FRAS1: variants seen among roughly 807,000 people sequenced by gnomAD.
FRAS1 encodes the protein extracellular matrix organizing protein FRAS1.
FRAS1 carries 290 observed loss-of-function variants against 435.2 expected under a neutral mutation model. The observed-to-expected ratio is 0.67, with a 90% CI of 0.61 to 0.73. The LOEUF is 0.73. FRAS1 is among the 30% of genes least tolerant of loss of function. FRAS1 has a pLI of 0.00. For missense variants in FRAS1, 4,860 were observed against 5,001.5 expected (o/e 0.97, Z 0.85); for synonymous variants, 1,800 against 1,851.0 (o/e 0.97, Z 0.71).
At chr4:78,217,734 C>A (rs1027868560) in intron 2 of FRAS1, among the ~76,000 whole-genome samples, 1 of 151,810 alleles carries the variant, frequency 6.6e-6, no homozygotes, top group Non-Finnish European at 1.5e-5. Context: ...ATTCAATGGA[C>A]GGTAGCTATG....
intron 30 of FRAS1, among the ~76,000 whole-genome samples, chr4:78,403,276 T>A (rs1366039977): frequency 3.3e-5 from 5 of 152,204 alleles, no homozygotes; most frequent in African/African-American, 1.2e-4. Context: ...AATTAAATGT[T>A]TTTTTAAGCA....
chr4:78,398,068 G>C (rs1291737071), intron 29 of FRAS1, among the ~76,000 whole-genome samples: 4 of 151,912 alleles, frequency 2.6e-5, no homozygotes, highest in African/African-American at 7.3e-5. Context: ...TTAGTGTTCT[G>C]TACAGGTTTT....
chr4:78,313,091 A>G (rs891496903), intron 15 of FRAS1, among the ~76,000 whole-genome samples: 1 of 151,986 alleles, frequency 6.6e-6, no homozygotes, highest in Admixed American at 6.5e-5. Context: ...AATTGCTGCA[A>G]TTTTTCATTT....
intron 56 of FRAS1, 28 bp downstream of exon 56, chr4:78,479,746 T>G: frequency 6.7e-7 from 1 of 1,492,872 alleles, no homozygotes; most frequent in Non-Finnish European, 9.0e-7. Context: ...TGAGTTTCCT[T>G]CACCTGTCTC....
rs120074156 is a variant in FRAS1 at position 78,481,962 on chromosome 4, C to T, written c.8602C>T (p.Gln2868Ter). Residue 2868 changes from glutamine to a stop codon, truncating the protein, a stop_gained and splice_region_variant, in exon 57 of 74, where the codon CAG (glutamine) becomes TAG (stop). Transcript: ENST00000512123. LOFTEE classifies it high-confidence loss of function. ...GGAATTTGGGCCTGGTGTCATTGAA[C>T]AGGTGCGTTTACAGCAGTCGAGACT... ...KVEFGPGVIE[Q>*]YCTLTILDDT... The T allele has an allele frequency of 6.2e-7, 1 of 1,613,608 alleles. No individual in the cohort carries two copies. Among genetic ancestry groups the T allele is most frequent in the Non-Finnish European group, 8.5e-7 (1 of 1,179,756 alleles).
chr4:78,089,526 C>CAA (rs1404397345), intron 2 of FRAS1, among the ~76,000 whole-genome samples: 1 of 152,076 alleles, frequency 6.6e-6, no homozygotes, highest in Non-Finnish European at 1.5e-5. Flanking sequence ...ACATGTGAAT[C>CAA]ATTTATTTAG....
intron 47 of FRAS1, among the ~76,000 whole-genome samples, chr4:78,456,440 C>T (rs1213093531): frequency 6.6e-6 from 1 of 152,080 alleles, no homozygotes; most frequent in East Asian, 1.9e-4. Flanking sequence ...ATGTACCAGG[C>T]CTCAAATAAC....
intron 33 of FRAS1, among the ~76,000 whole-genome samples, chr4:78,419,318 G>A (rs1286299539): frequency 2.0e-5 from 3 of 152,356 alleles, no homozygotes; most frequent in Admixed American, 1.3e-4. Context: ...GATGGAGAAT[G>A]TACATGCTAC....
intron 32 of FRAS1, among the ~76,000 whole-genome samples, chr4:78,418,144 A>G (rs1280233099): frequency 1.3e-5 from 2 of 152,330 alleles, no homozygotes; most frequent in East Asian, 3.9e-4. Context: ...TCTGATTAAC[A>G]TTGCCTCATT....
Position 78,281,453 on chromosome 4 carries a change from T to G in FRAS1, c.1107+20T>G. The G allele has an allele frequency of 6.7e-7, 1 of 1,503,128 alleles. No homozygotes were observed. Among genetic ancestry groups the G allele is most frequent in the Non-Finnish European group, 9.1e-7 (1 of 1,104,380 alleles). The allele number at this position is 1,503,128 out of a possible 1,614,324, so 93.1% of individuals were successfully genotyped here. ...ATTCCAGTAAGTATAGCTTTTTAAC[T>G]TGCACGTAGATCATTATAAAATTGT... On this transcript the variant is annotated intron_variant, in intron 11 of 73. Coordinates refer to ENST00000512123, the MANE Select transcript of FRAS1 (RefSeq NM_025074.7).
chr4:78,222,339 C>T (rs967417613), intron 2 of FRAS1, among the ~76,000 whole-genome samples: 4 of 152,134 alleles, frequency 2.6e-5, no homozygotes, highest in Non-Finnish European at 5.9e-5. Flanking sequence ...TTATTTCATG[C>T]GTGTGCATTT....
At chr4:78,074,007 G>A (rs1195915090) in intron 2 of FRAS1, among the ~76,000 whole-genome samples, 1 of 152,166 alleles carries the variant, frequency 6.6e-6, no homozygotes, top group Non-Finnish European at 1.5e-5. Flanking sequence ...AAGAAGGAGA[G>A]GGACAAGCTT....
At position 78,445,692 on chromosome 4, in the gene FRAS1, A is replaced by G. The variant is rs1718796518; in HGVS notation, c.5836A>G (p.Ser1946Gly). Residue 1946 changes from serine (S) to glycine (G), a missense_variant, in exon 42 of 74, where the codon AGC (serine) becomes GGC (glycine). Coordinates refer to ENST00000512123, the MANE Select transcript of FRAS1 (RefSeq NM_025074.7). ...SDGTSRSEIH[S>G]INITIERKND... ...TGGAACCAGTCGTTCAGAAATTCAC[A>G]GCATCAATATCACCATTGAGGTAAA... 2 of 1,613,892 alleles carry G rather than the reference A, an allele frequency of 1.2e-6. No individual in the cohort carries two copies. Among genetic ancestry groups the G allele is most frequent in the Admixed American group, 1.7e-5 (1 of 60,012 alleles).
chr4:78,117,450 C>A (rs1258963389), intron 2 of FRAS1, among the ~76,000 whole-genome samples: 1 of 152,184 alleles, frequency 6.6e-6, no homozygotes, highest in East Asian at 1.9e-4. Context: ...TCCGTTCTCC[C>A]TGTCACTTTC....
At chr4:78,450,390 T>G in intron 45 of FRAS1, 51 bp downstream of exon 45, 2 of 1,430,740 alleles carry the variant, frequency 1.4e-6, no homozygotes, top group Non-Finnish European at 2.0e-6. Flanking sequence ...GCACCTACAC[T>G]AGTAAAATGA....
intron 15 of FRAS1, 109 bp downstream of exon 15, chr4:78,308,318 A>G: frequency 9.1e-7 from 1 of 1,101,014 alleles, no homozygotes; most frequent in Non-Finnish European, 1.3e-6. Context: ...CTCAACATAT[A>G]TGTGAATAGC....
At chr4:78,248,033 C>G (rs991097876) in intron 4 of FRAS1, among the ~76,000 whole-genome samples, 3 of 152,114 alleles carry the variant, frequency 2.0e-5, no homozygotes, top group Non-Finnish European at 4.4e-5. Flanking sequence ...AACAGCGGAG[C>G]CTTGGGGGAG....
At chr4:78,089,457 A>G (rs1741387827) in intron 2 of FRAS1, among the ~76,000 whole-genome samples, 1 of 152,058 alleles carries the variant, frequency 6.6e-6, no homozygotes, top group African/African-American at 2.4e-5. Context: ...AAATAACAGT[A>G]TGTTAAGAAA....
chr4:78,476,646 A>G (rs1349610588), intron 54 of FRAS1, among the ~76,000 whole-genome samples: 1 of 152,222 alleles, frequency 6.6e-6, no homozygotes, highest in Non-Finnish European at 1.5e-5. Context: ...GCTAAATGAT[A>G]AGACGGAGGA....
Sources: gnomAD v4.1 joint callset for allele counts (sites outside exome capture counted in the v4.1 genomes callset) on GRCh38, gnomAD v4.1.1 for gene constraint, MANE v1.5 for transcripts, NCBI Gene and HGNC (gene_info 2026-07-23, HGNC 2026-07-21) for gene names.